Variants in TCTN2 observed in about 807,000 individuals in gnomAD.
The protein encoded by TCTN2 is tectonic family member 2.
Under a neutral mutation model 83.4 loss-of-function variants are expected in TCTN2, and 66 were observed. That is an observed-to-expected ratio of 0.79 (90% CI 0.65 to 0.97). The LOEUF is 0.97. TCTN2 is among the 50% of genes least tolerant of loss of function. TCTN2 has a pLI of 0.00. For synonymous variants in TCTN2, 301 were observed against 326.7 expected (o/e 0.92, Z 0.85); for missense variants, 794 against 858.1 (o/e 0.93, Z 0.93).
Position 123,707,854 on chromosome 12 carries a change from G to T in TCTN2, c.*141G>T, listed in dbSNP as rs1956249941. 4.2e-6 allele frequency: 3 copies of T among 708,336 alleles called. No individual in the cohort carries two copies. The highest frequency in any genetic ancestry group is 7.6e-6 in the Non-Finnish European group (3 of 393,696). 43.9% of individuals were successfully genotyped at this position (708,336 alleles called of 1,614,324 possible). A position where few individuals can be genotyped will look rare whatever the true frequency, so the allele number is the denominator to read the frequency against. On this transcript the variant is annotated 3_prime_UTR_variant, in exon 18 of 18. Coordinates refer to ENST00000303372, the MANE Select transcript of TCTN2 (RefSeq NM_024809.5). ...AGCCTCCGGAGAACTGGGATTACAG[G>T]CATGCACCACCACGCCCGGCTAATT...
rs1955863674 is a variant in TCTN2, at chr12:123,679,226, C to G, written c.501C>G (p.Pro167=). 6.2e-7 allele frequency: 1 copy of G among 1,613,980 alleles called. No individual in the cohort carries two copies. Among genetic ancestry groups the G allele is most frequent in the Non-Finnish European group, 8.5e-7 (1 of 1,180,004 alleles). ...TCATTCCTAACCAGGTGTATCAGCC[C>G]CTTGGCCCTTGTCCTTGTAATTTAA... ...VTVIPNQVYQ[P]LGPCPCNLTA... is the part of the protein sequence containing the mutation. The change falls in exon 5 of 18, where the codon CCC becomes CCG. Residue 167 remains proline, a synonymous_variant. Coordinates refer to ENST00000303372, the MANE Select transcript of TCTN2 (RefSeq NM_024809.5).
rs1004953628 is a variant in TCTN2, at chr12:123,701,668, G to A, written c.1612+1858G>A. Among the ~76,000 whole-genome samples, 5 of 152,002 alleles carry A rather than the reference G, an allele frequency of 3.3e-5. No homozygotes were observed. In the South Asian group the frequency reaches 6.2e-4, roughly 19 times the overall value. On this transcript the variant is annotated intron_variant, in intron 14 of 17. Transcript: ENST00000303372. ...TGAGGCAGGAGAATGGTAGGAACCC[G>A]GGAGGCGGAGCTTGCTGTGAGCCGA...
chr12:123,694,729 G>T lies in TCTN2; in HGVS notation c.1100-113G>T, dbSNP rs2135846427. The T allele has an allele frequency of 6.3e-6, 7 of 1,112,036 alleles. No individual in the cohort carries two copies. In the South Asian group the frequency reaches 9.0e-5, roughly 14 times the overall value. The allele number at this position is 1,112,036 out of a possible 1,614,324, so 68.9% of individuals were successfully genotyped here. ...GCCATGTTAGGGAGCTGGAGATAGGGAGGGCAGGGGCAGGGCACTTGGGGA... is the reference window on the plus strand; with the variant it reads ...GCCATGTTAGGGAGCTGGAGATAGGTAGGGCAGGGGCAGGGCACTTGGGGA... On this transcript the variant is annotated intron_variant, in intron 9 of 17. Transcript: ENST00000303372.
chr12:123,704,949 A>G lies in TCTN2; in HGVS notation c.1769+261A>G, dbSNP rs998305421. On this transcript the variant is annotated intron_variant, in intron 15 of 17. Coordinates refer to ENST00000303372, the MANE Select transcript of TCTN2 (RefSeq NM_024809.5). ...TACAAAGATGAATAAAGGGCCCCTT[A>G]GTACTAAGTATATTTTGAAATCCAT... Among the ~76,000 whole-genome samples the G allele has an allele frequency of 2.6e-5, 4 of 152,062 alleles. No homozygotes were observed. In the South Asian group the frequency reaches 8.3e-4, roughly 32 times the overall value.
chr12:123,693,918 A>G (rs1956077169), intron 9 of TCTN2, among the ~76,000 whole-genome samples: 1 of 151,600 alleles, frequency 6.6e-6, no homozygotes, highest in African/African-American at 2.4e-5. Context: ...CCCAGGTTCA[A>G]GCAATTCTCA....
rs71088947 is a variant in TCTN2 at position 123,682,459 on chromosome 12, CTTTTT to C, written c.564+3174_564+3178del. Among the ~76,000 whole-genome samples the C allele has an allele frequency of 1.8e-4, 27 of 151,382 alleles. No individual in the cohort carries two copies. The South Asian group carries it at 5.6e-3, about 32-fold the overall frequency. On this transcript the variant is annotated intron_variant, in intron 5 of 17. Coordinates refer to ENST00000303372, the MANE Select transcript of TCTN2 (RefSeq NM_024809.5). ...CACTATATATTCTGGATTCTAGTTT[CTTTTT>C]TTTGTTTGTTTTATTTATTTTTTAT...
chr12:123,695,082 T>C, intron 10 of TCTN2, 106 bp downstream of exon 10: 1 of 1,501,648 alleles, frequency 6.7e-7, no homozygotes, highest in Admixed American at 1.8e-5. Context: ...TGGACTTGTT[T>C]CTTATGTGCA....
chr12:123,679,389 T>C (rs1028739372), intron 5 of TCTN2, 100 bp downstream of exon 5: 1 of 1,081,638 alleles, frequency 9.2e-7, no homozygotes, highest in African/African-American at 1.6e-5. Flanking sequence ...TGAGATAGGG[T>C]CTTGCTCTGT....
Position 123,695,310 on chromosome 12 carries a change from T to C in TCTN2, c.1312+13T>C. ...TCTGGAAATCCAGGTAAGATGAGTATATGCCAGTCATTGATCTTACAAACA... is the reference window on the plus strand; with the variant it reads ...TCTGGAAATCCAGGTAAGATGAGTACATGCCAGTCATTGATCTTACAAACA... On this transcript the variant is annotated intron_variant, in intron 11 of 17. Transcript: ENST00000303372. 6.5e-7 allele frequency: 1 copy of C among 1,531,716 alleles called. No individual in the cohort carries two copies. The highest frequency in any genetic ancestry group is 9.0e-7 in the Non-Finnish European group (1 of 1,105,232). The allele number at this position is 1,531,716 out of a possible 1,614,324, so 94.9% of individuals were successfully genotyped here.
rs537332502 is a variant in TCTN2, at chr12:123,693,253, C to T, written c.1099+530C>T. On this transcript the variant is annotated intron_variant, in intron 9 of 17. Coordinates refer to ENST00000303372, the MANE Select transcript of TCTN2 (RefSeq NM_024809.5). ...GTTGGTCAGGCTGGTCTCGAACTCCCGACCTCAGGTGATCCACTTGCCTTG... is the reference window on the plus strand; with the variant it reads ...GTTGGTCAGGCTGGTCTCGAACTCCTGACCTCAGGTGATCCACTTGCCTTG... Among the ~76,000 whole-genome samples, 107 of 149,920 alleles carry T rather than the reference C, an allele frequency of 7.1e-4. 2 individuals carry two copies. The highest frequency in any genetic ancestry group is 1.3e-3 in the Non-Finnish European group (90 of 67,420).
intron 12 of TCTN2, 92 bp from the exon 13 acceptor site, chr12:123,696,994 AC>A: frequency 5.9e-6 from 6 of 1,016,464 alleles, no homozygotes; most frequent in Non-Finnish European, 9.3e-6. Context: ...CTTTATTTCT[AC>A]TTACTGTTTT....
chr12:123,697,645 A>G (rs1037455764), intron 13 of TCTN2, among the ~76,000 whole-genome samples: 4 of 152,010 alleles, frequency 2.6e-5, no homozygotes, highest in African/African-American at 9.7e-5. Flanking sequence ...GATTACAGGC[A>G]TGCACCACCA....
At chr12:123,678,064 G>A (rs1955846447) in intron 4 of TCTN2, among the ~76,000 whole-genome samples, 1 of 152,142 alleles carries the variant, frequency 6.6e-6, no homozygotes, top group South Asian at 2.1e-4. Context: ...ACCCTTTATG[G>A]TCACATGATC....
chr12:123,704,299 C>T (rs1470998477), intron 14 of TCTN2, among the ~76,000 whole-genome samples: 4 of 152,138 alleles, frequency 2.6e-5, no homozygotes, highest in Non-Finnish European at 4.4e-5. Flanking sequence ...CCACCGCACC[C>T]GGCCCATACA....
chr12:123,706,305 T>C (rs1956229092), intron 15 of TCTN2, among the ~76,000 whole-genome samples: 1 of 152,166 alleles, frequency 6.6e-6, no homozygotes, highest in Non-Finnish European at 1.5e-5. Context: ...GAGGATAACA[T>C]GAGATGGTGT....
At chr12:123,704,503 G>T (rs1335945865) in intron 14 of TCTN2, 29 bp from the exon 15 acceptor site, 2 of 1,585,390 alleles carry the variant, frequency 1.3e-6, no homozygotes, top group East Asian at 2.3e-5. Flanking sequence ...ATTATTCTTT[G>T]AAAAGTGTAT....
intron 7 of TCTN2, 50 bp from the exon 8 acceptor site, chr12:123,690,483 A>T: frequency 6.2e-7 from 1 of 1,613,530 alleles, no homozygotes; most frequent in Non-Finnish European, 8.5e-7. Flanking sequence ...TCTGTTTTGT[A>T]TGATTAGGAG....
At chr12:123,693,454 A>T (rs59064530) in intron 9 of TCTN2, among the ~76,000 whole-genome samples, 2,531 of 78,992 alleles carry the variant, frequency 0.032, 98 homozygotes, top group African/African-American at 0.12. Context: ...AGTTTGGCAG[A>T]TTTTTTTTTT....
chr12:123,682,089 G>C (rs1955906329), intron 5 of TCTN2, among the ~76,000 whole-genome samples: 1 of 152,138 alleles, frequency 6.6e-6, no homozygotes, highest in Non-Finnish European at 1.5e-5. Flanking sequence ...TCTCACCTCA[G>C]CTTCCCAAGT....
Sources: gnomAD v4.1 joint callset for allele counts (sites outside exome capture counted in the v4.1 genomes callset) on GRCh38, gnomAD v4.1.1 for gene constraint, MANE v1.5 for transcripts, NCBI Gene and HGNC (gene_info 2026-07-23, HGNC 2026-07-21) for gene names.